The following FAM227B variants were observed in gnomAD, a reference collection of about 807,000 sequenced individuals.
FAM227B encodes the protein family with sequence similarity 227 member B.
Under a neutral mutation model 73.8 loss-of-function variants are expected in FAM227B, and 88 were observed. The ratio of observed to expected loss-of-function variants is 1.19; its 90% CI spans 1.00 to 1.42. FAM227B has a LOEUF of 1.42. Ranked by LOEUF, FAM227B falls within the 40% of genes most tolerant of loss-of-function variation. The probability of loss-of-function intolerance (pLI) is 0.00; values close to 1 mark genes in which losing one functional copy is unlikely to be tolerated. For missense variants in FAM227B, 632 were observed against 590.9 expected (o/e 1.07, Z -0.72); for synonymous variants, 210 against 190.5 (o/e 1.10, Z -0.84).
At chr15:49,548,918 G>T (rs1465638697) in intron 9 of FAM227B, among the ~76,000 whole-genome samples, 1 of 151,988 alleles carries the variant, frequency 6.6e-6, no homozygotes, top group African/African-American at 2.4e-5. Flanking sequence ...TCTGGCTAAC[G>T]ATTTGTCAAT....
chr15:49,456,607 G>A (rs528751133), intron 11 of FAM227B, among the ~76,000 whole-genome samples: 2 of 152,180 alleles, frequency 1.3e-5, no homozygotes, highest in Non-Finnish European at 2.9e-5. Context: ...AGGAATAAAT[G>A]TTTGAGAAGG....
rs774267439 is a variant in FAM227B at position 49,371,255 on chromosome 15, C to T, written c.1110+47G>A. 5 of 1,163,200 alleles carry T rather than the reference C, an allele frequency of 4.3e-6. No homozygotes were observed. In the African/African-American group the frequency reaches 7.7e-5, roughly 18 times the overall value. 72.1% of individuals were successfully genotyped at this position (1,163,200 alleles called of 1,614,324 possible). A position where few individuals can be genotyped will look rare whatever the true frequency, so the allele number is the denominator to read the frequency against. On this transcript the variant is annotated intron_variant, in intron 12 of 15. Coordinates refer to ENST00000299338, the MANE Select transcript of FAM227B (RefSeq NM_152647.3). ...AGCACAGTCAATTGCAAATATATTG[C>T]AAATTAAACAAGTAAGAAATTTTTT...
intron 11 of FAM227B, among the ~76,000 whole-genome samples, chr15:49,409,067 CT>C (rs2048707753): frequency 1.3e-5 from 2 of 152,102 alleles, no homozygotes; most frequent in Admixed American, 1.3e-4. Flanking sequence ...TGTTTGTCAT[CT>C]TTGGTTCATA....
chr15:49,373,723 C>T (rs1331994361), intron 11 of FAM227B, among the ~76,000 whole-genome samples: 3 of 152,068 alleles, frequency 2.0e-5, no homozygotes, highest in African/African-American at 7.2e-5. Context: ...ATGGTTATTG[C>T]TATCCACTTT....
chr15:49,534,665 C>A (rs1214546346), intron 10 of FAM227B, among the ~76,000 whole-genome samples: 1 of 151,558 alleles, frequency 6.6e-6, no homozygotes, highest in Non-Finnish European at 1.5e-5. Flanking sequence ...CTGTCTTATG[C>A]AAATGGGACA....
chr15:49,389,650 GAAGAAAA>G (rs1319718168), intron 11 of FAM227B, among the ~76,000 whole-genome samples: 3 of 151,276 alleles, frequency 2.0e-5, no homozygotes, highest in African/African-American at 7.3e-5. Flanking sequence ...TTTTTAAAAA[GAAGAAAA>G]AAGTATTGTT....
chr15:49,511,782 T>C (rs950047112), intron 10 of FAM227B, among the ~76,000 whole-genome samples: 1 of 152,174 alleles, frequency 6.6e-6, no homozygotes, highest in South Asian at 2.1e-4. Flanking sequence ...AAGGACATTA[T>C]CTCGTTCCTT....
intron 10 of FAM227B, among the ~76,000 whole-genome samples, chr15:49,533,273 G>C (rs902288130): frequency 5.3e-5 from 8 of 151,894 alleles, no homozygotes; most frequent in South Asian, 4.1e-4. Context: ...AAGTGGTTAA[G>C]ACTTGTTTTG....
At chr15:49,409,367 A>T (rs2048726778) in intron 11 of FAM227B, among the ~76,000 whole-genome samples, 1 of 152,086 alleles carries the variant, frequency 6.6e-6, no homozygotes, top group Non-Finnish European at 1.5e-5. Context: ...GCCCTTCTGT[A>T]TCAATATTCC....
chr15:49,377,433 A>C (rs1342506377), intron 11 of FAM227B, among the ~76,000 whole-genome samples: 1 of 152,098 alleles, frequency 6.6e-6, no homozygotes, highest in Non-Finnish European at 1.5e-5. Context: ...TTTTTTGAGG[A>C]AACTCCAAAC....
At chr15:49,466,910 T>C (rs1024212081) in intron 11 of FAM227B, among the ~76,000 whole-genome samples, 1 of 152,184 alleles carries the variant, frequency 6.6e-6, no homozygotes, top group African/African-American at 2.4e-5. Context: ...ATTCCTTGTT[T>C]AGACTGCTAG....
intron 9 of FAM227B, among the ~76,000 whole-genome samples, chr15:49,552,020 A>G (rs2073091468): frequency 6.6e-6 from 1 of 152,190 alleles, no homozygotes; most frequent in Non-Finnish European, 1.5e-5. Context: ...AGTAGTTTAC[A>G]CACAACAGTT....
At chr15:49,541,553 G>C in intron 10 of FAM227B, 127 bp downstream of exon 10, 1 of 741,242 alleles carries the variant, frequency 1.3e-6, no homozygotes, top group Non-Finnish European at 1.9e-6. Context: ...TAACACATGG[G>C]TACTGCTATG....
chr15:49,594,145 G>A (rs1209134899), intron 3 of FAM227B, among the ~76,000 whole-genome samples: 1 of 152,082 alleles, frequency 6.6e-6, no homozygotes, highest in Non-Finnish European at 1.5e-5. Flanking sequence ...GTATTGCATT[G>A]TGGTTTTGAT....
intron 11 of FAM227B, among the ~76,000 whole-genome samples, chr15:49,458,818 T>C (rs1164343646): frequency 6.6e-6 from 1 of 152,172 alleles, no homozygotes. Context: ...AAATAAGTCT[T>C]GCAGATGAAT....
intron 11 of FAM227B, among the ~76,000 whole-genome samples, chr15:49,459,802 T>C (rs1369523521): frequency 6.6e-6 from 1 of 152,168 alleles, no homozygotes; most frequent in Non-Finnish European, 1.5e-5. Flanking sequence ...GGCTCCTGTG[T>C]GCATCTCTTT....
chr15:49,581,978 C>T (rs559925636), intron 5 of FAM227B, among the ~76,000 whole-genome samples: 2 of 152,316 alleles, frequency 1.3e-5, no homozygotes, highest in South Asian at 2.1e-4. Flanking sequence ...CCATCTTGGG[C>T]ACCCCTTGGT....
intron 11 of FAM227B, among the ~76,000 whole-genome samples, chr15:49,441,575 T>C (rs984516514): frequency 2.0e-5 from 3 of 151,580 alleles, no homozygotes; most frequent in Non-Finnish European, 3.0e-5. Context: ...TTTCCATATA[T>C]AGAGAGAAAA....
At chr15:49,592,501 G>A (rs2076641399) in intron 3 of FAM227B, among the ~76,000 whole-genome samples, 1 of 152,222 alleles carries the variant, frequency 6.6e-6, no homozygotes, top group African/African-American at 2.4e-5. Context: ...AGCGGAGGCT[G>A]CAGAACAGCA....
Sources: allele counts gnomAD v4.1 joint callset (sites outside exome capture counted in the v4.1 genomes callset), GRCh38; gene constraint gnomAD v4.1.1; transcripts MANE v1.5; gene names NCBI Gene and HGNC (gene_info 2026-07-23, HGNC 2026-07-21).